SCRG1: variants seen among roughly 807,000 people sequenced by gnomAD.
SCRG1 encodes stimulator of chondrogenesis 1.
A neutral mutation model predicts 7.7 loss-of-function variants in SCRG1; 3 were observed. That is an observed-to-expected ratio of 0.39 (90% CI 0.18 to 1.01). SCRG1 has a LOEUF of 1.01. Ranked by LOEUF, SCRG1 falls within the 50% of genes least tolerant of loss-of-function variation. SCRG1 has a pLI of 0.36. For synonymous variants in SCRG1, 46 were observed against 41.2 expected (o/e 1.12, Z -0.44); for missense variants, 110 against 117.2 (o/e 0.94, Z 0.28).
chr4:173,462,223 A>T, the SCRG1 span, among the ~76,000 whole-genome samples: 4 of 152,200 alleles, frequency 2.6e-5, no homozygotes, highest in Admixed American at 6.5e-5. Context: ...CACCAAGTAG[A>T]TTTAACCCAA....
the SCRG1 span, among the ~76,000 whole-genome samples, chr4:173,456,396 A>T: frequency 6.6e-6 from 1 of 152,194 alleles, no homozygotes; most frequent in East Asian, 1.9e-4. Flanking sequence ...TGTGTCAATG[A>T]ATCTGAAGTT....
the SCRG1 span, among the ~76,000 whole-genome samples, chr4:173,479,201 T>C: frequency 6.6e-6 from 1 of 152,166 alleles, no homozygotes; most frequent in African/African-American, 2.4e-5. Flanking sequence ...CACAGAACTC[T>C]GGAAACCAAT....
chr4:173,450,730 A>G, the SCRG1 span, among the ~76,000 whole-genome samples: 2 of 152,206 alleles, frequency 1.3e-5, no homozygotes, highest in Non-Finnish European at 2.9e-5. Context: ...TTAACCTTTG[A>G]GTAAATTGCC....
the SCRG1 span, among the ~76,000 whole-genome samples, chr4:173,483,368 A>AATAT: frequency 4.0e-4 from 2 of 4,964 alleles, no homozygotes; most frequent in African/African-American, 1.0e-3. Flanking sequence ...TATTATATGT[A>AATAT]ATATTATATT....
chr4:173,484,155 T>A, the SCRG1 span, among the ~76,000 whole-genome samples: 2 of 16,086 alleles, frequency 1.2e-4, no homozygotes, highest in African/African-American at 3.0e-4. Flanking sequence ...TATAGAATAT[T>A]TTCTACATTA....
chr4:173,406,945 C>T (rs759481930), upstream of SCRG1, among the ~76,000 whole-genome samples: 9 of 152,284 alleles, frequency 5.9e-5, no homozygotes, highest in South Asian at 4.1e-4. Context: ...TGGTGGCTCA[C>T]GCCTGTAATC....
the SCRG1 span, among the ~76,000 whole-genome samples, chr4:173,514,480 T>G: frequency 2.8e-4 from 43 of 152,326 alleles, no homozygotes; most frequent in African/African-American, 7.2e-4. Flanking sequence ...TGAGCAATTT[T>G]CTCCCTTCCC....
chr4:173,466,437 T>C, the SCRG1 span, among the ~76,000 whole-genome samples: 1 of 152,000 alleles, frequency 6.6e-6, no homozygotes, highest in Non-Finnish European at 1.5e-5. Context: ...TTTTCCATGG[T>C]CTTTCAGTTG....
At chr4:173,399,691 A>G (rs552604402), upstream of SCRG1, among the ~76,000 whole-genome samples, 7 of 57,298 alleles carry the variant, frequency 1.2e-4, no homozygotes, top group South Asian at 5.4e-3. Flanking sequence ...AATGATGACT[A>G]AAAAGAAATG....
chr4:173,463,567 T>C, the SCRG1 span, among the ~76,000 whole-genome samples: 1 of 152,116 alleles, frequency 6.6e-6, no homozygotes, highest in Non-Finnish European at 1.5e-5. Flanking sequence ...TCAGAATGGG[T>C]TCTCTCCAAA....
chr4:173,423,045 C>T, the SCRG1 span, among the ~76,000 whole-genome samples: 78,893 of 151,826 alleles, frequency 0.52, 21,134 homozygotes, highest in East Asian at 0.63. Context: ...CGGTGATTCA[C>T]GATTCACCTG....
chr4:173,508,937 A>G, the SCRG1 span, among the ~76,000 whole-genome samples: 1 of 152,190 alleles, frequency 6.6e-6, no homozygotes, highest in African/African-American at 2.4e-5. This position sits in a 1 kb window ranked among gnomAD's most constrained non-coding sequence, Gnocchi z 4.4. Context: ...TTCTGCTTGC[A>G]GGGCCGGGTG....
At chr4:173,443,209 C>T in the SCRG1 span, among the ~76,000 whole-genome samples, 3 of 151,968 alleles carry the variant, frequency 2.0e-5, no homozygotes, top group Admixed American at 1.3e-4. Context: ...GTAAGACATT[C>T]TAATAGGTGG....
At chr4:173,401,594 G>T (rs1295299773), upstream of SCRG1, among the ~76,000 whole-genome samples, 1 of 152,126 alleles carries the variant, frequency 6.6e-6, no homozygotes, top group Admixed American at 6.5e-5. Flanking sequence ...CAAAATAGTT[G>T]ATTCATTTTT....
the SCRG1 span, among the ~76,000 whole-genome samples, chr4:173,484,298 ATATTT>A: frequency 1.3e-5 from 1 of 79,640 alleles, no homozygotes; most frequent in East Asian, 4.0e-4. Flanking sequence ...TATGTAATGT[ATATTT>A]TATATATTAT....
the SCRG1 span, among the ~76,000 whole-genome samples, chr4:173,509,940 C>T: frequency 3.3e-5 from 5 of 152,178 alleles, no homozygotes; most frequent in Admixed American, 1.3e-4. This position sits in a 1 kb window ranked among gnomAD's most constrained non-coding sequence, Gnocchi z 5.7. Flanking sequence ...CCCTCATTTC[C>T]CCTGCTTCTC....
chr4:173,479,960 T>A, the SCRG1 span, among the ~76,000 whole-genome samples: 2 of 152,242 alleles, frequency 1.3e-5, no homozygotes, highest in East Asian at 3.9e-4. Flanking sequence ...ACTATGTTTT[T>A]AAAATTTTTA....
chr4:173,490,535 G>A, the SCRG1 span, among the ~76,000 whole-genome samples: 1 of 152,074 alleles, frequency 6.6e-6, no homozygotes, highest in Non-Finnish European at 1.5e-5. Flanking sequence ...GCAGAAAGTT[G>A]GTCATATTAA....
At chr4:173,479,181 G>A in the SCRG1 span, among the ~76,000 whole-genome samples, 1 of 152,118 alleles carries the variant, frequency 6.6e-6, no homozygotes, top group Non-Finnish European at 1.5e-5. Context: ...AGTAAAGAAG[G>A]GGACTCCTGC....
Sources: allele counts gnomAD v4.1 joint callset (sites outside exome capture counted in the v4.1 genomes callset), GRCh38; gene constraint gnomAD v4.1.1; non-coding constraint Gnocchi (gnomAD v3.1); transcripts MANE v1.5; gene names NCBI Gene and HGNC (gene_info 2026-07-23, HGNC 2026-07-21).